The following NEK11 variants were observed in gnomAD, a reference collection of about 807,000 sequenced individuals.
The protein encoded by NEK11 is serine/threonine-protein kinase Nek11.
In NEK11, 72 loss-of-function variants were observed where a neutral mutation model predicts 80.7. The ratio of observed to expected loss-of-function variants is 0.89; its 90% confidence interval spans 0.74 to 1.08. NEK11 has a LOEUF of 1.08. Among genes scored for constraint, NEK11 ranks in the 50% least tolerant of loss-of-function variants. The pLI is 0.00. For synonymous variants in NEK11, 251 were observed against 260.7 expected (o/e 0.96, Z 0.36); for missense variants, 764 against 763.6 (o/e 1.00, Z -0.01).
intron 4 of NEK11, among the ~76,000 whole-genome samples, chr3:131,085,097 C>T (rs762923296): frequency 3.9e-5 from 6 of 152,104 alleles, no homozygotes; most frequent in Non-Finnish European, 7.4e-5. Flanking sequence ...CTCTTATTCA[C>T]GAAAATTGCA....
rs947382636 is a variant in NEK11, at chr3:131,211,051, G to A, written c.1400-17477G>A. ...CTGGTTATTTTGCCCACTAGTTGAT[G>A]CAGTTTCTTCCTAGCATTGATGGTC... On this transcript the variant is annotated intron_variant, in intron 14 of 17. Transcript: ENST00000383366. Among the ~76,000 whole-genome samples, 3 of 152,288 alleles carry A rather than the reference G, an allele frequency of 2.0e-5. No individual in the cohort carries two copies. The South Asian group carries it at 6.2e-4, about 32-fold the overall frequency.
chr3:131,173,528 C>T (rs947569489), intron 14 of NEK11, among the ~76,000 whole-genome samples: 5 of 150,660 alleles, frequency 3.3e-5, no homozygotes, highest in Non-Finnish European at 7.4e-5. Flanking sequence ...AAGTGGTTTG[C>T]TTAAGGACCA....
At chr3:131,256,816 C>T (rs941232321) in intron 16 of NEK11, among the ~76,000 whole-genome samples, 13 of 152,110 alleles carry the variant, frequency 8.5e-5, no homozygotes, top group African/African-American at 3.1e-4. Flanking sequence ...CAGATCCCTT[C>T]CAAATTGGCC....
intron 5 of NEK11, among the ~76,000 whole-genome samples, chr3:131,118,252 T>A (rs1400801403): frequency 1.3e-5 from 2 of 152,178 alleles, no homozygotes; most frequent in African/African-American, 4.8e-5. Flanking sequence ...TTGTCTTTGG[T>A]TCTGTTTATA....
At position 131,243,512 on chromosome 3, in the gene NEK11, T is replaced by C. The variant is rs770078341; in HGVS notation, c.1621+16T>C. ...ACTTCTCTAGGTGAGTAAGTTCCTT[T>C]AGGCTTCAAAATACATTGACAGCTA... On this transcript the variant is annotated intron_variant, in intron 16 of 17. Coordinates refer to ENST00000383366, the MANE Select transcript of NEK11 (RefSeq NM_024800.5). The C allele has an allele frequency of 9.3e-6, 15 of 1,606,608 alleles. No individual in the cohort carries two copies. The highest frequency in any genetic ancestry group is 1.7e-4 in the Middle Eastern group (1 of 6,058).
At position 131,093,686 on chromosome 3, in the gene NEK11, G is replaced by A. The variant is rs542477687; in HGVS notation, c.336+13098G>A. Among the ~76,000 whole-genome samples, 9 of 152,216 alleles carry A rather than the reference G, an allele frequency of 5.9e-5. No individual in the cohort carries two copies. In the East Asian group the frequency reaches 1.7e-3, roughly 29 times the overall value. ...CTTCCAAAGTGCTGGGATTACAGGC[G>A]TGAGCCACTGCGCTTAGCCCAGATG... On this transcript the variant is annotated intron_variant, in intron 4 of 17. Coordinates refer to ENST00000383366, the MANE Select transcript of NEK11 (RefSeq NM_024800.5).
chr3:131,202,607 C>G (rs899412508), intron 14 of NEK11, among the ~76,000 whole-genome samples: 5 of 152,150 alleles, frequency 3.3e-5, no homozygotes, highest in Admixed American at 2.6e-4. Flanking sequence ...AGCTTCTGCA[C>G]AGCAAAAGAA....
intron 5 of NEK11, among the ~76,000 whole-genome samples, chr3:131,128,422 G>A (rs1473680046): frequency 7.2e-5 from 11 of 152,028 alleles, no homozygotes; most frequent in Admixed American, 7.2e-4. Flanking sequence ...GATTTCTCAG[G>A]CTGACTTCTT....
chr3:131,216,765 G>T (rs909057740), intron 14 of NEK11, among the ~76,000 whole-genome samples: 2 of 152,192 alleles, frequency 1.3e-5, no homozygotes, highest in African/African-American at 4.8e-5. Flanking sequence ...ATTCTTCTCT[G>T]GCTTGAACAT....
intron 3 of NEK11, among the ~76,000 whole-genome samples, chr3:131,074,768 G>A (rs1215474641): frequency 6.6e-6 from 1 of 152,116 alleles, no homozygotes. Context: ...TCTAGACCGT[G>A]GATTTTGCCT....
At chr3:131,197,496 T>A (rs950409251) in intron 14 of NEK11, among the ~76,000 whole-genome samples, 1 of 152,126 alleles carries the variant, frequency 6.6e-6, no homozygotes, top group African/African-American at 2.4e-5. Context: ...GGGATTGAAA[T>A]GTATGGCCTG....
rs1371335232 is a variant in NEK11, at chr3:131,155,067, T to C, written c.908T>C (p.Leu303Pro). 1 of 1,611,944 alleles carries C rather than the reference T, an allele frequency of 6.2e-7. No individual in the cohort carries two copies. The highest frequency in any genetic ancestry group is 2.2e-5 in the East Asian group (1 of 44,852). ...NLMCRYSEMT[L>P]EDKNLDCQKE... is the part of the protein sequence containing the mutation. ...ATGTGTAGATATTCAGAAATGACTC[T>C]GGAAGACAAAAATTTGGATTGTCAG... The change falls in exon 10 of 18, where the codon CTG becomes CCG. Residue 303 changes from leucine (L) to proline (P), a missense_variant. Leu to Pro is a moderately conservative substitution (Grantham distance 98). Coordinates refer to ENST00000383366, the MANE Select transcript of NEK11 (RefSeq NM_024800.5).
At chr3:131,288,450 C>CTTTCTTTCTTTCTTTT (rs536834704) in intron 17 of NEK11, among the ~76,000 whole-genome samples, 114 of 115,322 alleles carry the variant, frequency 9.9e-4, no homozygotes, top group Non-Finnish European at 1.5e-3. Context: ...TTCTTTCTTT[C>CTTTCTTTCTTTCTTTT]TTTTTTTTTT....
In NEK11 at chr3:131,228,624, T is replaced by A; in HGVS notation, c.1496T>A (p.Leu499Ter). 1 of 1,613,740 alleles carries A rather than the reference T, an allele frequency of 6.2e-7. No individual in the cohort carries two copies. Among genetic ancestry groups the A allele is most frequent in the Non-Finnish European group, 8.5e-7 (1 of 1,179,734 alleles). The stretch of plus-strand genomic sequence containing the variant: ...GATGAGGAGGAAGAAGAAATAGCGT[T>A]AGAAAGACCAGAGAAAGAAATCAGG... The part of the protein sequence containing the change: ...ESDEEEEEIA[L>*]ERPEKEIRNE... The change falls in exon 15 of 18, where the codon TTA becomes TAA. Residue 499 changes from leucine (L) to a stop codon, truncating the protein, a stop_gained. Coordinates refer to ENST00000383366, the MANE Select transcript of NEK11 (RefSeq NM_024800.5). LOFTEE classifies it high-confidence loss of function.
intron 17 of NEK11, among the ~76,000 whole-genome samples, chr3:131,297,252 G>A (rs1223918894): frequency 6.6e-6 from 1 of 151,918 alleles, no homozygotes; most frequent in Non-Finnish European, 1.5e-5. Flanking sequence ...CTTCCACAAT[G>A]GTTGAACTAG....
chr3:131,279,671 A>C (rs1364206366), intron 17 of NEK11, among the ~76,000 whole-genome samples: 1 of 152,154 alleles, frequency 6.6e-6, no homozygotes, highest in Non-Finnish European at 1.5e-5. Context: ...TTTCCTTTTT[A>C]TAATGTCATA....
intron 14 of NEK11, among the ~76,000 whole-genome samples, chr3:131,212,086 C>T (rs972798484): frequency 6.6e-6 from 1 of 152,186 alleles, no homozygotes; most frequent in African/African-American, 2.4e-5. Flanking sequence ...TCTCGTTTCT[C>T]CCCATCTTTG....
intron 9 of NEK11, among the ~76,000 whole-genome samples, chr3:131,153,503 T>G (rs1413784648): frequency 6.6e-6 from 1 of 152,188 alleles, no homozygotes; most frequent in Non-Finnish European, 1.5e-5. Flanking sequence ...GGCTTTTGTT[T>G]GTTTTTTTTT....
chr3:131,078,307 C>CTTAA (rs2074704444), intron 3 of NEK11, among the ~76,000 whole-genome samples: 3 of 152,146 alleles, frequency 2.0e-5, no homozygotes, highest in Admixed American at 2.0e-4. Context: ...AGAATGGAAA[C>CTTAA]TTAACCCAGC....
Sources: allele counts gnomAD v4.1 joint callset (sites outside exome capture counted in the v4.1 genomes callset), GRCh38; gene constraint gnomAD v4.1.1; transcripts MANE v1.5; gene names NCBI Gene and HGNC (gene_info 2026-07-23, HGNC 2026-07-21).